The following PHKA1 variants were observed in gnomAD, a reference collection of about 807,000 sequenced individuals.
PHKA1 encodes phosphorylase b kinase regulatory subunit alpha, skeletal muscle isoform.
A neutral mutation model predicts 110.2 loss-of-function variants in PHKA1; 60 were observed. That is an observed-to-expected ratio of 0.54 (90% confidence interval 0.44 to 0.68). The LOEUF (loss-of-function observed/expected upper bound fraction) is 0.68. Ranked by LOEUF, PHKA1 falls within the 30% of genes least tolerant of loss-of-function variation. The pLI is 0.00. For missense variants in PHKA1, 801 were observed against 942.5 expected (o/e 0.85, Z 1.97); for synonymous variants, 316 against 333.6 (o/e 0.95, Z 0.58).
chrX:72,614,671 G>A (rs2052864158), intron 21 of PHKA1, among the ~76,000 whole-genome samples: 1 of 111,860 alleles, frequency 8.9e-6, no homozygotes, highest in African/African-American at 3.2e-5. Flanking sequence ...CACATTGTAA[G>A]GGAAGAGCAA....
chrX:72,582,135 C>T (rs2052345981), intron 31 of PHKA1, among the ~76,000 whole-genome samples: 1 of 111,705 alleles, frequency 9.0e-6, no homozygotes, highest in Non-Finnish European at 1.9e-5. Flanking sequence ...GCTTCAGGGC[C>T]TTTCAGGGAA....
Position 72,620,804 on chromosome X carries a change from T to A in PHKA1, c.2058A>T (p.Leu686=). The change falls in exon 19 of 32, where the codon CTA becomes CTT. Residue 686 remains leucine, a synonymous_variant. Transcript: ENST00000373542. ...TTTGCACAGCAGCTTGGAACCGATC[T>A]AGCCCTCCCTTCTGTGAGGTAGGGG... ...KLAPTSQKGG[L]DRFQAAVQTT... is the part of the protein sequence containing the mutation. 1 of 1,210,332 alleles carries A rather than the reference T, an allele frequency of 8.3e-7. No individual in the cohort carries two copies. The highest frequency in any genetic ancestry group is 1.1e-6 in the Non-Finnish European group (1 of 894,863).
chrX:72,607,731 C>T (rs1004889970), intron 23 of PHKA1, among the ~76,000 whole-genome samples: 1 of 111,658 alleles, frequency 9.0e-6, no homozygotes, highest in African/African-American at 3.3e-5. Flanking sequence ...CTGAGTTCTT[C>T]GGCAATTTCT....
chrX:72,616,715 T>C (rs904613067), intron 21 of PHKA1, among the ~76,000 whole-genome samples: 3 of 111,813 alleles, frequency 2.7e-5, no homozygotes, highest in Admixed American at 9.5e-5. Context: ...TATTCTCAAC[T>C]TTACATGGAA....
chrX:72,678,590 C>T (rs2053807325), intron 5 of PHKA1, among the ~76,000 whole-genome samples: 1 of 111,742 alleles, frequency 8.9e-6, no homozygotes, highest in African/African-American at 3.3e-5. Context: ...CGCACTGAAC[C>T]ACAGCAGGCC....
intron 4 of PHKA1, chrX:72,688,985 C>T (rs1464080581): frequency 3.6e-5 from 4 of 111,406 alleles, no homozygotes; most frequent in African/African-American, 1.3e-4. Context: ...CACTGCTTGT[C>T]GAACAAAGAA....
chrX:72,632,800 G>A (rs898260983), intron 16 of PHKA1, among the ~76,000 whole-genome samples: 1 of 112,046 alleles, frequency 8.9e-6, no homozygotes, highest in Non-Finnish European at 1.9e-5. Context: ...TACTAGCTTT[G>A]TGACTTTGGA....
intron 3 of PHKA1, among the ~76,000 whole-genome samples, chrX:72,703,984 A>C (rs1436645943): frequency 8.9e-6 from 1 of 112,159 alleles, no homozygotes; most frequent in Non-Finnish European, 1.9e-5. Flanking sequence ...AAATATCACA[A>C]ACAAGCCTCA....
chrX:72,584,108 A>G (rs547198382), intron 30 of PHKA1, 141 bp downstream of exon 30: 2 of 531,645 alleles, frequency 3.8e-6, no homozygotes, highest in East Asian at 3.6e-5. Flanking sequence ...CATTAAAAAA[A>G]TTGTCTTTTC....
In PHKA1 at chrX:72,609,704, C is replaced by A. The variant is rs1556257317; in HGVS notation, c.2527-1G>T. ...GGTGGGAGAGAAGGTCTGTGCAGGC[C>A]TAACAAGAGATAGCATAATATTATC... On this transcript the variant is annotated splice_acceptor_variant, in intron 22 of 31. Coordinates refer to ENST00000373542, the MANE Select transcript of PHKA1 (RefSeq NM_002637.4). LOFTEE classifies it high-confidence loss of function. 1 of 1,170,009 alleles carries A rather than the reference C, an allele frequency of 8.5e-7. No homozygotes were observed. Among genetic ancestry groups the A allele is most frequent in the Non-Finnish European group, 1.2e-6 (1 of 859,097 alleles).
chrX:72,604,161 A>C (rs782314115), intron 25 of PHKA1, among the ~76,000 whole-genome samples: 4 of 110,934 alleles, frequency 3.6e-5, no homozygotes, highest in Non-Finnish European at 5.7e-5. Context: ...GCAAAAAAAA[A>C]AACAACATTA....
intron 16 of PHKA1, among the ~76,000 whole-genome samples, chrX:72,634,497 C>A (rs1188940358): frequency 9.2e-6 from 1 of 108,973 alleles, no homozygotes; most frequent in African/African-American, 3.4e-5. Flanking sequence ...TGGCTCTAGT[C>A]CTCCAGGAAC....
intron 29 of PHKA1, among the ~76,000 whole-genome samples, chrX:72,590,718 A>T (rs1019969764): frequency 3.6e-5 from 4 of 112,493 alleles, no homozygotes; most frequent in Non-Finnish European, 7.5e-5. Context: ...TTTACAAGAA[A>T]AAATGAAACA....
chrX:72,595,341 A>G (rs2052575528), intron 28 of PHKA1, among the ~76,000 whole-genome samples: 1 of 111,555 alleles, frequency 9.0e-6, no homozygotes, highest in Non-Finnish European at 1.9e-5. Context: ...AGCTAACATC[A>G]TAATGAGTGG....
chrX:72,630,799 T>A (rs2053154181), intron 16 of PHKA1, among the ~76,000 whole-genome samples: 1 of 110,799 alleles, frequency 9.0e-6, no homozygotes, highest in South Asian at 3.8e-4. Flanking sequence ...TTTTAAAAAA[T>A]TTGTAGGTTT....
chrX:72,695,990 G>T, intron 3 of PHKA1, 114 bp from the exon 4 acceptor site: 1 of 625,529 alleles, frequency 1.6e-6, no homozygotes, highest in Non-Finnish European at 2.7e-6. Context: ...CTATCTTCAG[G>T]CAATTGTGAA....
At chrX:72,644,885 G>T (rs2053342425) in intron 13 of PHKA1, among the ~76,000 whole-genome samples, 1 of 111,788 alleles carries the variant, frequency 8.9e-6, no homozygotes, top group South Asian at 3.8e-4. Flanking sequence ...AGCCAGGTAT[G>T]TGGGGGTAAT....
chrX:72,690,381 C>T (rs1556320671), intron 4 of PHKA1, among the ~76,000 whole-genome samples: 1 of 111,354 alleles, frequency 9.0e-6, no homozygotes, highest in African/African-American at 3.3e-5. Context: ...GCCCTAACCC[C>T]TAATATGACT....
intron 5 of PHKA1, among the ~76,000 whole-genome samples, chrX:72,677,217 T>C (rs2053789191): frequency 8.9e-6 from 1 of 112,159 alleles, no homozygotes; most frequent in African/African-American, 3.2e-5. Context: ...CAAGAATATG[T>C]ATTACAGACA....
Sources: allele counts gnomAD v4.1 joint callset (sites outside exome capture counted in the v4.1 genomes callset), GRCh38; gene constraint gnomAD v4.1.1; transcripts MANE v1.5; gene names NCBI Gene and HGNC (gene_info 2026-07-23, HGNC 2026-07-21).